The following SMG6 variants were observed in gnomAD, a reference collection of about 807,000 sequenced individuals.
SMG6 encodes the protein telomerase-binding protein EST1A.
A neutral mutation model predicts 142.2 loss-of-function variants in SMG6; 66 were observed. The ratio of observed to expected loss-of-function variants is 0.46; its 90% CI spans 0.38 to 0.57. SMG6 has a LOEUF of 0.57. Ranked by LOEUF, SMG6 falls within the 20% of genes least tolerant of loss-of-function variation. SMG6 has a pLI of 0.00. For missense variants in SMG6, 1,793 were observed against 1,832.0 expected, an observed-to-expected ratio of 0.98 and a Z score of 0.39; for synonymous variants, 779 against 702.4, an observed-to-expected ratio of 1.11 and a Z score of -1.72.
chr17:2,066,322 A>G (rs1236940356), intron 16 of SMG6, among the ~76,000 whole-genome samples: 2 of 151,314 alleles, frequency 1.3e-5, no homozygotes, highest in Non-Finnish European at 2.9e-5. Flanking sequence ...GTGTGTGTGT[A>G]CATGTGTGTA....
chr17:2,170,881 T>C (rs942726404), intron 13 of SMG6, among the ~76,000 whole-genome samples: 37 of 152,230 alleles, frequency 2.4e-4, no homozygotes, highest in African/African-American at 8.9e-4. Flanking sequence ...AAAGCAAAGA[T>C]TGGTTAAAGA....
intron 13 of SMG6, among the ~76,000 whole-genome samples, chr17:2,122,664 G>A (rs569283060): frequency 3.9e-5 from 6 of 152,278 alleles, no homozygotes; most frequent in Admixed American, 6.5e-5. Context: ...TAGAAGCCGC[G>A]AGCCACTTAG....
At chr17:2,113,830 A>G (rs1253006264) in intron 13 of SMG6, among the ~76,000 whole-genome samples, 1 of 152,170 alleles carries the variant, frequency 6.6e-6, no homozygotes, top group Non-Finnish European at 1.5e-5. Context: ...GTGTCACACG[A>G]GAGTGGTGGA....
chr17:2,255,221 G>A (rs1186724946), intron 8 of SMG6, among the ~76,000 whole-genome samples: 6 of 151,110 alleles, frequency 4.0e-5, no homozygotes, highest in South Asian at 4.2e-4. Flanking sequence ...TGGCTAACAC[G>A]GTGAAACCCC....
intron 15 of SMG6, among the ~76,000 whole-genome samples, chr17:2,074,752 C>T (rs1401975601): frequency 2.0e-5 from 3 of 152,174 alleles, no homozygotes; most frequent in Non-Finnish European, 4.4e-5. Context: ...GTCACTGGCT[C>T]TCAGAGCTGA....
At chr17:2,101,314 C>T (rs1181383978) in intron 13 of SMG6, 2 of 152,204 alleles carry the variant, frequency 1.3e-5, no homozygotes, top group African/African-American at 4.8e-5. Flanking sequence ...GCTGCCAGGA[C>T]TGGTCTTGAA....
intron 2 of SMG6, 106 bp downstream of exon 2, chr17:2,298,800 A>C: frequency 1.0e-6 from 1 of 1,001,078 alleles, no homozygotes; most frequent in Non-Finnish European, 1.5e-6. Context: ...AAAGGAAATA[A>C]TACCCAGTGG....
chr17:2,099,752 G>C (rs2068954862), intron 13 of SMG6, among the ~76,000 whole-genome samples: 1 of 152,196 alleles, frequency 6.6e-6, no homozygotes, highest in Non-Finnish European at 1.5e-5. Context: ...TACAGAACCA[G>C]CTCAATCAGT....
At chr17:2,245,334 G>C (rs2073904418) in intron 8 of SMG6, among the ~76,000 whole-genome samples, 1 of 152,224 alleles carries the variant, frequency 6.6e-6, no homozygotes, top group Non-Finnish European at 1.5e-5. Flanking sequence ...TTCCACTCCA[G>C]TTTTGGCCAA....
chr17:2,127,087 C>G (rs1327932001), intron 13 of SMG6, among the ~76,000 whole-genome samples: 2 of 141,770 alleles, frequency 1.4e-5, no homozygotes, highest in Non-Finnish European at 3.0e-5. Flanking sequence ...TGCAGTGAGC[C>G]GTAATGGTGA....
At chr17:2,227,654 T>C (rs1181744448) in intron 10 of SMG6, among the ~76,000 whole-genome samples, 3 of 152,236 alleles carry the variant, frequency 2.0e-5, no homozygotes, top group African/African-American at 7.2e-5. Flanking sequence ...TTGATTGTGA[T>C]GGTTAGTAAC....
rs539588059 is a variant in SMG6, at chr17:2,202,269, T to C, written c.2870-13754A>G. Among the ~76,000 whole-genome samples, 3 of 152,240 alleles carry C rather than the reference T, an allele frequency of 2.0e-5. No individual in the cohort carries two copies. In the South Asian group the frequency reaches 6.2e-4, roughly 32 times the overall value. ...GGAATAAACTACTTAATCATTCGAATGTCAAAAACAGACTCACACCTGTAA... is the reference window on the plus strand; with the variant it reads ...GGAATAAACTACTTAATCATTCGAACGTCAAAAACAGACTCACACCTGTAA... On this transcript the variant is annotated intron_variant, in intron 10 of 18. Coordinates refer to ENST00000263073, the MANE Select transcript of SMG6 (RefSeq NM_017575.5).
At chr17:2,212,115 T>C (rs1364825539) in intron 10 of SMG6, among the ~76,000 whole-genome samples, 1 of 152,224 alleles carries the variant, frequency 6.6e-6, no homozygotes, top group Non-Finnish European at 1.5e-5. Flanking sequence ...ATACATGTTG[T>C]ATGGTTTACT....
intron 8 of SMG6, among the ~76,000 whole-genome samples, chr17:2,264,132 G>T (rs1167829931): frequency 6.6e-6 from 1 of 152,070 alleles, no homozygotes; most frequent in Non-Finnish European, 1.5e-5. Flanking sequence ...ATTGAACAAG[G>T]ATCCAATGTA....
chr17:2,166,367 A>G (rs1226160054), intron 13 of SMG6, among the ~76,000 whole-genome samples: 1 of 150,030 alleles, frequency 6.7e-6, no homozygotes, highest in Non-Finnish European at 1.5e-5. Flanking sequence ...ATTAATAAAA[A>G]GGAGAATGTA....
intron 10 of SMG6, among the ~76,000 whole-genome samples, chr17:2,227,676 A>C (rs1567699403): frequency 6.6e-6 from 1 of 152,194 alleles, no homozygotes; most frequent in African/African-American, 2.4e-5. Flanking sequence ...TGGGCATGTA[A>C]ATTTGTCAAA....
intron 10 of SMG6, among the ~76,000 whole-genome samples, chr17:2,193,758 A>T (rs2072235610): frequency 6.6e-6 from 1 of 152,258 alleles, no homozygotes; most frequent in Non-Finnish European, 1.5e-5. Context: ...GGAAGATGGA[A>T]GTAAGATGTT....
intron 2 of SMG6, 135 bp downstream of exon 2, chr17:2,298,771 C>A (rs1597237227): frequency 2.6e-6 from 2 of 778,588 alleles, no homozygotes; most frequent in East Asian, 5.0e-5. Flanking sequence ...TTTCCAACTG[C>A]CCTTCCCTTA....
intron 13 of SMG6, among the ~76,000 whole-genome samples, chr17:2,151,537 C>T (rs928379880): frequency 6.6e-6 from 1 of 152,182 alleles, no homozygotes; most frequent in Non-Finnish European, 1.5e-5. Context: ...GGTCAGATCT[C>T]CAGCACTAAG....
Sources: allele counts gnomAD v4.1 joint callset (sites outside exome capture counted in the v4.1 genomes callset), GRCh38; gene constraint gnomAD v4.1.1; transcripts MANE v1.5; gene names NCBI Gene and HGNC (gene_info 2026-07-23, HGNC 2026-07-21).